LRRTM4: variants seen among roughly 807,000 people sequenced by gnomAD.
LRRTM4 encodes the protein leucine-rich repeat transmembrane neuronal protein 4.
In LRRTM4, 25 loss-of-function variants were observed where a neutral mutation model predicts 47.6. The observed-to-expected ratio is 0.53, with a 90% CI of 0.38 to 0.73. The LOEUF (loss-of-function observed/expected upper bound fraction) is 0.73. LRRTM4 is among the 30% of genes least tolerant of loss of function. The pLI is 0.00. For synonymous variants in LRRTM4, 311 were observed against 269.5 expected (o/e 1.15, Z -1.51); for missense variants, 638 against 713.4 (o/e 0.89, Z 1.20).
At chr2:77,055,740 C>T (rs372037993) in intron 3 of LRRTM4, among the ~76,000 whole-genome samples, 65 of 151,892 alleles carry the variant, frequency 4.3e-4, no homozygotes, top group East Asian at 1.4e-3. Flanking sequence ...CACATGCACA[C>T]GTATGTTTAT....
chr2:76,782,331 G>T (rs1674444390), intron 3 of LRRTM4, among the ~76,000 whole-genome samples: 1 of 152,116 alleles, frequency 6.6e-6, no homozygotes, highest in Non-Finnish European at 1.5e-5. Flanking sequence ...TACATATCAA[G>T]CAATTCAGCT....
chr2:76,841,281 G>A (rs1012038019), intron 3 of LRRTM4, among the ~76,000 whole-genome samples: 8 of 151,096 alleles, frequency 5.3e-5, no homozygotes, highest in Non-Finnish European at 1.0e-4. Flanking sequence ...GTTGTGGGGT[G>A]GGGGGAGTGG....
At chr2:76,865,022 T>G (rs1388477630) in intron 3 of LRRTM4, among the ~76,000 whole-genome samples, 4 of 151,886 alleles carry the variant, frequency 2.6e-5, no homozygotes, top group African/African-American at 9.7e-5. Flanking sequence ...TTAATTATAT[T>G]CTTTCCATTA....
intron 3 of LRRTM4, among the ~76,000 whole-genome samples, chr2:76,781,610 G>A (rs921587848): frequency 1.4e-4 from 21 of 150,922 alleles, no homozygotes; most frequent in Non-Finnish European, 1.9e-4. Flanking sequence ...GCCCTGCTTC[G>A]GCTCGCGCAT....
intron 3 of LRRTM4, among the ~76,000 whole-genome samples, chr2:77,298,313 T>G (rs911208085): frequency 6.6e-6 from 1 of 152,302 alleles, no homozygotes; most frequent in Admixed American, 6.5e-5. Context: ...CTCGGCTCAC[T>G]GCAAGCTCCG....
intron 3 of LRRTM4, among the ~76,000 whole-genome samples, chr2:76,889,930 T>C (rs1344346184): frequency 6.6e-6 from 1 of 151,934 alleles, no homozygotes. Context: ...TGAAACACTG[T>C]TTATCTCAGG....
At chr2:76,881,377 T>C (rs1184469875) in intron 3 of LRRTM4, among the ~76,000 whole-genome samples, 1 of 151,290 alleles carries the variant, frequency 6.6e-6, no homozygotes, top group East Asian at 2.0e-4. Flanking sequence ...ACGTGGTATT[T>C]TTTTCACTTA....
chr2:77,287,506 C>G (rs553304208), intron 3 of LRRTM4, among the ~76,000 whole-genome samples: 5 of 151,976 alleles, frequency 3.3e-5, no homozygotes, highest in African/African-American at 9.6e-5. Context: ...GTTTGTGTTA[C>G]CTCAGGTGAA....
chr2:76,823,593 G>A (rs2103865515), intron 3 of LRRTM4, among the ~76,000 whole-genome samples: 1 of 151,052 alleles, frequency 6.6e-6, no homozygotes, highest in Non-Finnish European at 1.5e-5. Context: ...GTGAATCACA[G>A]CATTATATGT....
intron 3 of LRRTM4, among the ~76,000 whole-genome samples, chr2:77,097,974 A>G (rs985206035): frequency 2.6e-5 from 4 of 152,030 alleles, no homozygotes; most frequent in African/African-American, 9.6e-5. Flanking sequence ...GATAAGGAAA[A>G]TAAGGCGATA....
intron 3 of LRRTM4, among the ~76,000 whole-genome samples, chr2:77,416,325 T>G (rs1674632632): frequency 6.6e-6 from 1 of 152,080 alleles, no homozygotes; most frequent in African/African-American, 2.4e-5. Flanking sequence ...AGCCTGATGT[T>G]ATTACACTTT....
At chr2:77,412,119 A>G (rs1488956403) in intron 3 of LRRTM4, among the ~76,000 whole-genome samples, 1 of 152,076 alleles carries the variant, frequency 6.6e-6, no homozygotes, top group African/African-American at 2.4e-5. Flanking sequence ...TTTGATTTGC[A>G]TTATTCGTAA....
intron 3 of LRRTM4, among the ~76,000 whole-genome samples, chr2:77,471,369 T>A (rs1304569163): frequency 2.0e-5 from 3 of 152,152 alleles, no homozygotes; most frequent in Non-Finnish European, 2.9e-5. Flanking sequence ...AGTCAAACTA[T>A]TATAATAAGC....
intron 3 of LRRTM4, among the ~76,000 whole-genome samples, chr2:77,132,197 T>C (rs1671820637): frequency 6.6e-6 from 1 of 152,204 alleles, no homozygotes; most frequent in Non-Finnish European, 1.5e-5. Flanking sequence ...CCTACCTTCA[T>C]AAAATCAACT....
At chr2:77,458,883 A>G (rs1044134039) in intron 3 of LRRTM4, among the ~76,000 whole-genome samples, 4 of 151,884 alleles carry the variant, frequency 2.6e-5, no homozygotes, top group African/African-American at 4.8e-5. Flanking sequence ...TCTGATTGCC[A>G]TATTACGTAC....
intron 3 of LRRTM4, among the ~76,000 whole-genome samples, chr2:77,147,120 C>A (rs956321168): frequency 6.6e-6 from 1 of 152,084 alleles, no homozygotes; most frequent in African/African-American, 2.4e-5. Context: ...TTGTATATTT[C>A]TTTTCCACTA....
At chr2:76,961,728 AT>A (rs1207274259) in intron 3 of LRRTM4, among the ~76,000 whole-genome samples, 1 of 151,320 alleles carries the variant, frequency 6.6e-6, no homozygotes, top group Non-Finnish European at 1.5e-5. Flanking sequence ...ATGAAGGGTT[AT>A]AACCAAATTA....
chr2:76,963,076 A>C (rs545445791), intron 3 of LRRTM4, among the ~76,000 whole-genome samples: 84 of 151,108 alleles, frequency 5.6e-4, no homozygotes, highest in Admixed American at 9.9e-4. Flanking sequence ...TTCATCTAAG[A>C]ATTCAAAAAT....
chr2:76,875,575 T>C (rs1039856615), intron 3 of LRRTM4, among the ~76,000 whole-genome samples: 1 of 151,984 alleles, frequency 6.6e-6, no homozygotes, highest in African/African-American at 2.4e-5. Context: ...TTGCAGAGAG[T>C]GGGGATATAA....
Sources: allele counts gnomAD v4.1 joint callset (sites outside exome capture counted in the v4.1 genomes callset), GRCh38; gene constraint gnomAD v4.1.1; transcripts MANE v1.5; gene names NCBI Gene and HGNC (gene_info 2026-07-23, HGNC 2026-07-21).